The following GSDMC variants were observed in gnomAD, a reference collection of about 807,000 sequenced individuals.
GSDMC encodes gasdermin-C.
GSDMC carries 59 observed loss-of-function variants against 58.0 expected under a neutral mutation model. The ratio of observed to expected loss-of-function variants is 1.02; its 90% CI spans 0.82 to 1.26. The LOEUF is 1.26. Among genes scored for constraint, GSDMC ranks in the 50% most tolerant of loss-of-function variants. GSDMC has a pLI of 0.00. For missense variants in GSDMC, 659 were observed against 598.5 expected (o/e 1.10, Z -1.06); for synonymous variants, 241 against 220.2 (o/e 1.09, Z -0.83).
At chr8:129,732,229 T>C in the GSDMC span, among the ~76,000 whole-genome samples, 1 of 152,040 alleles carries the variant, frequency 6.6e-6, no homozygotes, top group South Asian at 2.1e-4. Context: ...TGCCAGATCA[T>C]TGATCTTAGA....
Position 129,748,849 on chromosome 8 carries a change from T to C in GSDMC, c.1288-109A>G, listed in dbSNP as rs1025147578. On this transcript the variant is annotated intron_variant, in intron 13 of 13. Transcript: ENST00000276708. Reference sequence around the variant, plus strand: ...CAGGATAATAAAAGGAGCAAGAGCTTTGGGATCCAGCGGACCAGGAGTAAC... The same window carrying C: ...CAGGATAATAAAAGGAGCAAGAGCTCTGGGATCCAGCGGACCAGGAGTAAC... 9.1e-6 allele frequency: 8 copies of C among 877,438 alleles called. No individual in the cohort carries two copies. In the East Asian group the frequency reaches 2.1e-4, roughly 24 times the overall value. The allele number at this position is 877,438 out of a possible 1,614,324, so 54.4% of individuals were successfully genotyped here.
At chr8:129,760,618 G>C in intron 5 of GSDMC, 29 bp from the exon 6 acceptor site, 1 of 1,056,378 alleles carries the variant, frequency 9.5e-7, no homozygotes, top group Non-Finnish European at 1.3e-6. Flanking sequence ...CTTCCATTAG[G>C]AGAGTTGAGG....
intron 6 of GSDMC, among the ~76,000 whole-genome samples, chr8:129,755,971 C>T (rs1242790671): frequency 6.8e-6 from 1 of 148,092 alleles, no homozygotes; most frequent in African/African-American, 2.5e-5. Flanking sequence ...AAAACAATAA[C>T]AAAATGGCAG....
chr8:129,750,979 G>C (rs1416233036), intron 10 of GSDMC, among the ~76,000 whole-genome samples: 3 of 152,132 alleles, frequency 2.0e-5, no homozygotes, highest in Non-Finnish European at 4.4e-5. Context: ...AGGATTAAAA[G>C]AGTTTATGTA....
chr8:129,755,099 A>G (rs971386571), intron 6 of GSDMC, among the ~76,000 whole-genome samples: 1 of 152,206 alleles, frequency 6.6e-6, no homozygotes, highest in African/African-American at 2.4e-5. Flanking sequence ...AGATACCAAC[A>G]TTCAAGTACA....
intron 10 of GSDMC, 146 bp from the exon 11 acceptor site, chr8:129,750,716 T>C (rs1373491136): frequency 4.1e-6 from 3 of 729,920 alleles, no homozygotes; most frequent in South Asian, 3.5e-5. Context: ...GCTAATGGCA[T>C]GCTTGAGCTT....
At chr8:129,719,096 T>C in the GSDMC span, among the ~76,000 whole-genome samples, 1 of 152,158 alleles carries the variant, frequency 6.6e-6, no homozygotes, top group Non-Finnish European at 1.5e-5. Flanking sequence ...GACGAGTTGA[T>C]GGGTGCAGCA....
chr8:129,731,172 T>TA, the GSDMC span, among the ~76,000 whole-genome samples: 1 of 152,146 alleles, frequency 6.6e-6, no homozygotes, highest in African/African-American at 2.4e-5. Context: ...TTAAGAAGGA[T>TA]AAAAAAGAGC....
chr8:129,751,093 G>A (rs1384862238), intron 10 of GSDMC, among the ~76,000 whole-genome samples: 1 of 152,146 alleles, frequency 6.6e-6, no homozygotes, highest in Non-Finnish European at 1.5e-5. Flanking sequence ...TCAACATAGT[G>A]AGACCCCATC....
At chr8:129,728,894 C>A in the GSDMC span, 1 of 658,034 alleles carries the variant, frequency 1.5e-6, no homozygotes, top group Non-Finnish European at 2.9e-6. Flanking sequence ...TCCTCAAGCA[C>A]CAGGCAGGGT....
chr8:129,743,470 C>CT (rs1343696113), downstream of GSDMC, among the ~76,000 whole-genome samples: 1 of 152,008 alleles, frequency 6.6e-6, no homozygotes, highest in African/African-American at 2.4e-5. Context: ...CTTCTGTTTT[C>CT]TTTTAAACAC....
In GSDMC at chr8:129,750,476, C is replaced by T. The variant is rs1390196173; in HGVS notation, c.1038G>A (p.Leu346=). 3 of 1,613,940 alleles carry T rather than the reference C, an allele frequency of 1.9e-6. No individual in the cohort carries two copies. The highest frequency in any genetic ancestry group is 2.7e-5 in the African/African-American group (2 of 74,920). The change falls in exon 11 of 14, where the codon CTG becomes CTA. Residue 346 remains leucine (L), a synonymous_variant. Transcript: ENST00000276708. ...GAGCCCCTCTGTCTCTGAGCATGGC[C>T]AGGATACTGTAGAACATGACATCCT... ...DVQDVMFYSI[L]AMLRDRGALQ...
chr8:129,733,510 G>A, the GSDMC span, among the ~76,000 whole-genome samples: 1 of 152,316 alleles, frequency 6.6e-6, no homozygotes, highest in South Asian at 2.1e-4. Flanking sequence ...GCCTCTGCTG[G>A]TGATACCCAG....
intron 3 of GSDMC, among the ~76,000 whole-genome samples, chr8:129,766,147 C>T (rs929260105): frequency 6.6e-6 from 1 of 152,126 alleles, no homozygotes; most frequent in African/African-American, 2.4e-5. Flanking sequence ...TGAGAACAGT[C>T]TTTAGGAGGT....
intron 1 of GSDMC, among the ~76,000 whole-genome samples, chr8:129,782,509 A>G (rs1403928579): frequency 6.6e-6 from 1 of 151,784 alleles, no homozygotes; most frequent in East Asian, 1.9e-4. Context: ...AAATAAAATC[A>G]CAGATGAAAA....
the GSDMC span, among the ~76,000 whole-genome samples, chr8:129,743,025 G>A: frequency 2.6e-5 from 4 of 152,084 alleles, no homozygotes; most frequent in East Asian, 5.8e-4. Context: ...TTCTGTGCCT[G>A]CTTTTAAAGT....
At chr8:129,715,834 C>G in the GSDMC span, among the ~76,000 whole-genome samples, 2 of 151,802 alleles carry the variant, frequency 1.3e-5, no homozygotes, top group Non-Finnish European at 2.9e-5. Context: ...TCTGTTTAAG[C>G]AAAAATAATA....
intron 7 of GSDMC, 144 bp from the exon 8 acceptor site, chr8:129,752,291 A>G: frequency 1.4e-6 from 1 of 710,484 alleles, no homozygotes; most frequent in Non-Finnish European, 2.5e-6. Flanking sequence ...CAGTTAAAAA[A>G]CTTCCCCAGA....
chr8:129,776,439 T>A lies in GSDMC; in HGVS notation c.221-154A>T, dbSNP rs1012460441. ...TTAAACTCTGTTGAAAACTAATCCA[T>A]TAATGTTTGAATGTAAATTACTACA... On this transcript the variant is annotated intron_variant, in intron 2 of 13. Transcript: ENST00000276708. Among the ~76,000 whole-genome samples, 8 of 152,350 alleles carry A rather than the reference T, an allele frequency of 5.3e-5. No individual in the cohort carries two copies. The East Asian group carries it at 1.3e-3, about 26-fold the overall frequency.
Sources: gnomAD v4.1 joint callset for allele counts (sites outside exome capture counted in the v4.1 genomes callset) on GRCh38, gnomAD v4.1.1 for gene constraint, MANE v1.5 for transcripts, NCBI Gene and HGNC (gene_info 2026-07-23, HGNC 2026-07-21) for gene names.